Variants in USP31 observed in about 807,000 individuals in gnomAD.
USP31 encodes the protein ubiquitin carboxyl-terminal hydrolase 31.
In USP31, 44 loss-of-function variants were observed where a neutral mutation model predicts 119.4. The ratio of observed to expected loss-of-function variants is 0.37; its 90% confidence interval spans 0.29 to 0.47. The LOEUF is 0.47. Ranked by LOEUF, USP31 falls within the 20% of genes least tolerant of loss-of-function variation. USP31 has a pLI of 0.99. For missense variants in USP31, 1,643 were observed against 1,730.2 expected (o/e 0.95, Z 0.89); for synonymous variants, 749 against 705.6 (o/e 1.06, Z -0.97).
In USP31 at chr16:23,075,747, C is replaced by T. The variant is rs533696395; in HGVS notation, c.2177-1867G>A. On this transcript the variant is annotated intron_variant, in intron 13 of 15. Transcript: ENST00000219689. ...TTACACAATCGATTATATCATTATA[C>T]CATCGATTATAGCTAGAAACAGTGC... Among the ~76,000 whole-genome samples, 17 of 152,224 alleles carry T rather than the reference C, an allele frequency of 1.1e-4. No individual in the cohort carries two copies. The East Asian group carries it at 3.3e-3, about 29-fold the overall frequency.
intron 1 of USP31, among the ~76,000 whole-genome samples, chr16:23,113,739 G>C (rs1434209667): frequency 1.3e-5 from 2 of 152,156 alleles, no homozygotes; most frequent in African/African-American, 2.4e-5. Context: ...TGACCATCTG[G>C]AGGGGACCTT....
intron 13 of USP31, among the ~76,000 whole-genome samples, chr16:23,075,860 A>G (rs998990841): frequency 6.6e-6 from 1 of 152,226 alleles, no homozygotes; most frequent in African/African-American, 2.4e-5. Flanking sequence ...GCTGAGGCAG[A>G]GGACTGCTTG....
At chr16:23,089,157 C>T (rs1211978591) in intron 7 of USP31, among the ~76,000 whole-genome samples, 1 of 152,176 alleles carries the variant, frequency 6.6e-6, no homozygotes, top group Non-Finnish European at 1.5e-5. Context: ...ACACACCAAG[C>T]TCCTCCTAGT....
At chr16:23,072,722 G>A (rs904279084) in intron 14 of USP31, among the ~76,000 whole-genome samples, 33 of 152,026 alleles carry the variant, frequency 2.2e-4, no homozygotes, top group African/African-American at 6.8e-4. Context: ...TTCCAGGGAC[G>A]CCCTTAAATA....
intron 1 of USP31, among the ~76,000 whole-genome samples, chr16:23,117,662 C>T (rs1902534432): frequency 6.6e-6 from 1 of 152,018 alleles, no homozygotes; most frequent in African/African-American, 2.4e-5. Flanking sequence ...AAACTTTCTG[C>T]TAGAAACTAT....
At chr16:23,137,206 C>T (rs926265383) in intron 1 of USP31, among the ~76,000 whole-genome samples, 1 of 152,064 alleles carries the variant, frequency 6.6e-6, no homozygotes, top group East Asian at 1.9e-4. Flanking sequence ...GAGCAAGACC[C>T]TGTCTCAAAC....
At chr16:23,085,761 G>T in intron 9 of USP31, 99 bp from the exon 10 acceptor site, 2 of 1,075,402 alleles carry the variant, frequency 1.9e-6, no homozygotes, top group Non-Finnish European at 2.7e-6. Context: ...CATAATTTCA[G>T]GTGATTAATG....
chr16:23,083,056 G>C (rs981903939), intron 11 of USP31, among the ~76,000 whole-genome samples: 1 of 152,078 alleles, frequency 6.6e-6, no homozygotes, highest in Non-Finnish European at 1.5e-5. Context: ...TCTTGAACTC[G>C]TGAACTCAGG....
intron 13 of USP31, among the ~76,000 whole-genome samples, chr16:23,075,568 A>T (rs958842797): frequency 3.3e-5 from 5 of 152,226 alleles, no homozygotes; most frequent in African/African-American, 1.2e-4. Context: ...AAAGGAGAAA[A>T]GCATTTAAAA....
chr16:23,072,508 T>A, intron 14 of USP31: 2 of 579,018 alleles, frequency 3.5e-6, no homozygotes, highest in Non-Finnish European at 6.1e-6. Flanking sequence ...AGACAAGCAC[T>A]CATACATTCA....
At chr16:23,085,190 A>C (rs968519192) in intron 10 of USP31, among the ~76,000 whole-genome samples, 1 of 152,240 alleles carries the variant, frequency 6.6e-6, no homozygotes, top group African/African-American at 2.4e-5. Context: ...AGTTATTTCC[A>C]GAACTAACTT....
chr16:23,125,502 G>T (rs1475139897), intron 1 of USP31, among the ~76,000 whole-genome samples: 1 of 152,148 alleles, frequency 6.6e-6, no homozygotes, highest in Non-Finnish European at 1.5e-5. Context: ...AAAATAAAAA[G>T]CAGCCAATAC....
rs35955613 is a variant in USP31 at position 23,063,734 on chromosome 16, CTTT to C, written c.*4309_*4311del. ...AAAAATAGAGCTCCATAATTGTTGC[CTTT>C]TTTTTTTAAGACTTAACATTTCATG... On this transcript the variant is annotated 3_prime_UTR_variant, in exon 16 of 16. Coordinates refer to ENST00000219689, the MANE Select transcript of USP31 (RefSeq NM_020718.4). The C allele has an allele frequency of 4.7e-5, 7 of 148,518 alleles. No individual in the cohort carries two copies. Among genetic ancestry groups the C allele is most frequent in the Middle Eastern group, 3.3e-3 (1 of 304 alleles). 9.2% of individuals were successfully genotyped at this position (148,518 alleles called of 1,614,324 possible).
chr16:23,082,336 G>T (rs572629697), intron 12 of USP31, 102 bp downstream of exon 12: 3 of 1,474,544 alleles, frequency 2.0e-6, no homozygotes, highest in African/African-American at 2.8e-5. Context: ...GGACTCACTG[G>T]ATCAAACAGG....
intron 1 of USP31, among the ~76,000 whole-genome samples, chr16:23,133,829 G>A (rs546592070): frequency 3.9e-4 from 60 of 152,206 alleles, no homozygotes; most frequent in African/African-American, 1.3e-3. Flanking sequence ...TAATCTCAGC[G>A]CTTTGGGAGG....
intron 1 of USP31, among the ~76,000 whole-genome samples, chr16:23,136,623 C>T (rs1165820755): frequency 6.8e-6 from 1 of 147,814 alleles, no homozygotes; most frequent in Non-Finnish European, 1.5e-5. Flanking sequence ...CACTGCACTC[C>T]AGCCTAGGCA....
chr16:23,109,040 C>T (rs1902218867), intron 1 of USP31, among the ~76,000 whole-genome samples: 1 of 152,100 alleles, frequency 6.6e-6, no homozygotes, highest in Non-Finnish European at 1.5e-5. Flanking sequence ...TTCTCATAGT[C>T]AGAGAGGGAA....
At position 23,068,900 on chromosome 16, in the gene USP31, T is replaced by G; in HGVS notation, c.3205A>C (p.Lys1069Gln). ...SSPLPVKVSL[K>Q]PSRSRSKADS... Reference sequence around the variant, plus strand: ...GCTTTGCTGCGGGAGCGGGAGGGCTTTAGAGAGACTTTTACAGGAAGAGGA... The same window carrying G: ...GCTTTGCTGCGGGAGCGGGAGGGCTGTAGAGAGACTTTTACAGGAAGAGGA... The change falls in exon 16 of 16, where the codon AAG becomes CAG. Residue 1069 changes from lysine to glutamine, a missense_variant. Lys to Gln is a moderately conservative substitution (Grantham distance 53, BLOSUM62 1). Coordinates refer to ENST00000219689, the MANE Select transcript of USP31 (RefSeq NM_020718.4). 1.9e-6 allele frequency: 3 copies of G among 1,611,374 alleles called. No homozygotes were observed. Among genetic ancestry groups the G allele is most frequent in the Non-Finnish European group, 2.5e-6 (3 of 1,178,854 alleles).
At chr16:23,082,367 G>A in intron 12 of USP31, 71 bp downstream of exon 12, 2 of 1,588,590 alleles carry the variant, frequency 1.3e-6, no homozygotes, top group South Asian at 2.3e-5. Context: ...AACCCTCACA[G>A]AGCCCATCAG....
Sources: gnomAD v4.1 joint callset for allele counts (sites outside exome capture counted in the v4.1 genomes callset) on GRCh38, gnomAD v4.1.1 for gene constraint, MANE v1.5 for transcripts, NCBI Gene and HGNC (gene_info 2026-07-23, HGNC 2026-07-21) for gene names.